The following PMPCB variants were observed in gnomAD, a reference collection of about 807,000 sequenced individuals.
PMPCB encodes peptidase, mitochondrial processing subunit beta.
PMPCB carries 46 observed loss-of-function variants against 61.5 expected under a neutral mutation model. That is an observed-to-expected ratio of 0.75 (90% CI 0.59 to 0.96). The LOEUF is 0.96. PMPCB is among the 40% of genes least tolerant of loss of function. The pLI is 0.00. For synonymous variants in PMPCB, 191 were observed against 201.6 expected (o/e 0.95, Z 0.44); for missense variants, 590 against 602.4 (o/e 0.98, Z 0.22).
chr7:103,306,342 G>A (rs908993029), intron 6 of PMPCB, among the ~76,000 whole-genome samples: 5 of 149,860 alleles, frequency 3.3e-5, no homozygotes, highest in East Asian at 2.0e-4. Context: ...ACCTATTGAT[G>A]TATTCAGAAA....
chr7:103,344,792 G>C, the PMPCB span: 3 of 658,494 alleles, frequency 4.6e-6, no homozygotes, highest in Admixed American at 2.5e-5. Context: ...TGGATCTTTC[G>C]TGGTGTGGAG....
At chr7:103,335,673 G>A in the PMPCB span, 1 of 152,052 alleles carries the variant, frequency 6.6e-6, no homozygotes. Flanking sequence ...AGCCTCCCAA[G>A]TAGTTGGGCT....
chr7:103,304,145 G>A, intron 5 of PMPCB, 105 bp downstream of exon 5: 2 of 913,768 alleles, frequency 2.2e-6, no homozygotes, highest in Non-Finnish European at 3.4e-6. Flanking sequence ...TTTTCCCCCT[G>A]GTAATCTAAG....
chr7:103,319,910 C>G (rs1818286830), intron 12 of PMPCB: 2 of 1,541,908 alleles, frequency 1.3e-6, no homozygotes, highest in Non-Finnish European at 1.8e-6. Context: ...AATTACAAAG[C>G]TGTAATCCCA....
intron 4 of PMPCB, 91 bp downstream of exon 4, chr7:103,300,398 G>A: frequency 9.7e-7 from 1 of 1,033,434 alleles, no homozygotes; most frequent in Non-Finnish European, 1.3e-6. Context: ...TTGTAAAAGA[G>A]TAAGTTCCAG....
At chr7:103,302,475 G>A (rs1817476591) in intron 4 of PMPCB, among the ~76,000 whole-genome samples, 1 of 152,200 alleles carries the variant, frequency 6.6e-6, no homozygotes, top group African/African-American at 2.4e-5. Context: ...CCCACATAAA[G>A]GAGGATTTTC....
intron 12 of PMPCB, among the ~76,000 whole-genome samples, chr7:103,326,186 C>T (rs1006394453): frequency 1.3e-5 from 2 of 152,102 alleles, no homozygotes; most frequent in Admixed American, 6.5e-5. Flanking sequence ...CCATGTTGGC[C>T]AGGCTGGTCT....
the PMPCB span, chr7:103,337,447 G>C: frequency 3.6e-6 from 1 of 280,286 alleles, no homozygotes; most frequent in African/African-American, 2.2e-5. Flanking sequence ...AAAGAGAGGT[G>C]AAGTATTATT....
At chr7:103,328,646 A>G (rs1440637438) in intron 12 of PMPCB, among the ~76,000 whole-genome samples, 1 of 152,048 alleles carries the variant, frequency 6.6e-6, no homozygotes, top group Non-Finnish European at 1.5e-5. Flanking sequence ...GAAGAAGAAG[A>G]AAAAAACAAT....
intron 12 of PMPCB, chr7:103,324,615 G>A: frequency 7.7e-7 from 1 of 1,305,550 alleles, no homozygotes; most frequent in Non-Finnish European, 1.0e-6. Flanking sequence ...ATGTACAACA[G>A]TTCAACAAAC....
chr7:103,326,707 C>A (rs1453408720), intron 12 of PMPCB: 3 of 1,593,008 alleles, frequency 1.9e-6, no homozygotes, highest in Non-Finnish European at 2.6e-6. Flanking sequence ...TTGTTAAGAT[C>A]ACATCACCAT....
chr7:103,334,003 T>G, downstream of PMPCB, among the ~76,000 whole-genome samples: 1 of 150,276 alleles, frequency 6.7e-6, no homozygotes, highest in East Asian at 2.0e-4. Flanking sequence ...CAGGCTGGAG[T>G]GCAGTGGCGT....
chr7:103,310,673 AATTT>A, intron 9 of PMPCB, 198 bp downstream of exon 9: 3 of 273,498 alleles, frequency 1.1e-5, no homozygotes, highest in Non-Finnish European at 2.0e-5. Flanking sequence ...TATACTATAG[AATTT>A]TTTTTTTTTT....
Position 103,297,519 on chromosome 7 carries a change from T to A in PMPCB, c.60T>A (p.Gly20=). 3 of 1,593,188 alleles carry A rather than the reference T, an allele frequency of 1.9e-6. No homozygotes were observed. The highest frequency in any genetic ancestry group is 1.7e-6 in the Non-Finnish European group (2 of 1,169,542). ...CCGCGGCGCGGCGGCGGCTCTGGGG[T>A]TTCAGCGAGAGTCTTCTAATCCGAG... is the stretch of plus-strand genomic sequence containing the variant. ...LSSAARRRLW[G]FSESLLIRGA... is the part of the protein sequence containing the mutation. Residue 20 remains glycine (G), a synonymous_variant, in exon 1 of 13, where the codon GGT becomes GGA. Coordinates refer to ENST00000249269, the MANE Select transcript of PMPCB (RefSeq NM_004279.3).
chr7:103,332,165 T>C (rs779669974), downstream of PMPCB, among the ~76,000 whole-genome samples: 3 of 151,912 alleles, frequency 2.0e-5, no homozygotes, highest in East Asian at 1.9e-4. Context: ...CCACCACGCC[T>C]GCCTAATTTT....
At chr7:103,297,902 A>G in intron 1 of PMPCB, 1 of 1,332,436 alleles carries the variant, frequency 7.5e-7, no homozygotes, top group Non-Finnish European at 9.7e-7. Flanking sequence ...TTTTTGCCTA[A>G]GACTGAACTT....
intron 10 of PMPCB, 37 bp from the exon 11 acceptor site, chr7:103,311,771 G>T: frequency 6.3e-7 from 1 of 1,598,298 alleles, no homozygotes; most frequent in Non-Finnish European, 8.6e-7. Flanking sequence ...TGGTTGATCT[G>T]TATTCCAATA....
At chr7:103,332,941 C>T (rs573779020), downstream of PMPCB, among the ~76,000 whole-genome samples, 3 of 152,182 alleles carry the variant, frequency 2.0e-5, no homozygotes, top group Non-Finnish European at 4.4e-5. Flanking sequence ...TATTTCACTA[C>T]GTTTTGAGTA....
At chr7:103,316,544 C>A, downstream of PMPCB, 1 of 334,666 alleles carries the variant, frequency 3.0e-6, no homozygotes, top group Non-Finnish European at 5.4e-6. Context: ...AAACCTAATC[C>A]CTAGAACAAG....
Sources: allele counts gnomAD v4.1 joint callset (sites outside exome capture counted in the v4.1 genomes callset), GRCh38; gene constraint gnomAD v4.1.1; transcripts MANE v1.5; gene names NCBI Gene and HGNC (gene_info 2026-07-23, HGNC 2026-07-21).